The following CTNND2 variants were observed in gnomAD, a reference collection of about 807,000 sequenced individuals.
CTNND2 encodes catenin delta 2, also known as catenin delta-2.
Under a neutral mutation model 144.4 loss-of-function variants are expected in CTNND2, and 22 were observed. The ratio of observed to expected loss-of-function variants is 0.15; its 90% CI spans 0.11 to 0.22. The LOEUF is 0.22. Ranked by LOEUF, CTNND2 falls within the 10% of genes least tolerant of loss-of-function variation. The pLI, the probability that CTNND2 is intolerant of heterozygous loss-of-function variation, is 1.00. For synonymous variants in CTNND2, 751 were observed against 695.6 expected (o/e 1.08, Z -1.25); for missense variants, 1,353 against 1,618.8 (o/e 0.84, Z 2.82).
chr5:11,711,467 C>G (rs1786031119), intron 2 of CTNND2, among the ~76,000 whole-genome samples: 1 of 152,104 alleles, frequency 6.6e-6, no homozygotes, highest in Non-Finnish European at 1.5e-5. Context: ...AATGTACATT[C>G]AGGTTTCACT....
At chr5:11,055,142 C>T (rs987909143) in intron 16 of CTNND2, among the ~76,000 whole-genome samples, 1 of 152,076 alleles carries the variant, frequency 6.6e-6, no homozygotes, top group Non-Finnish European at 1.5e-5. Context: ...GAGTTAAGGA[C>T]GTAGGTACTG....
chr5:11,238,867 T>A (rs899402654), intron 9 of CTNND2, among the ~76,000 whole-genome samples: 3 of 152,216 alleles, frequency 2.0e-5, no homozygotes, highest in Admixed American at 2.0e-4. Flanking sequence ...GGCTATGTGA[T>A]CACAGTAGAA....
intron 2 of CTNND2, among the ~76,000 whole-genome samples, chr5:11,667,491 T>C (rs1783635644): frequency 6.6e-6 from 1 of 152,214 alleles, no homozygotes; most frequent in African/African-American, 2.4e-5. Flanking sequence ...TCATTGTGGT[T>C]TTGATTGCAT....
intron 12 of CTNND2, among the ~76,000 whole-genome samples, chr5:11,140,958 T>A (rs1756667923): frequency 6.6e-6 from 1 of 152,178 alleles, no homozygotes; most frequent in Non-Finnish European, 1.5e-5. Flanking sequence ...TTTTTATTTT[T>A]ATTTTTATTT....
chr5:11,779,894 C>T (rs1363957755), intron 1 of CTNND2, among the ~76,000 whole-genome samples: 1 of 152,188 alleles, frequency 6.6e-6, no homozygotes, highest in African/African-American at 2.4e-5. Flanking sequence ...ATTCCATCTT[C>T]CCCTCTCTAG....
At chr5:11,696,423 T>G (rs1421642170) in intron 2 of CTNND2, among the ~76,000 whole-genome samples, 2 of 152,228 alleles carry the variant, frequency 1.3e-5, no homozygotes, top group East Asian at 1.9e-4. Flanking sequence ...CAAGCCCCAC[T>G]GCAGATTCAG....
At chr5:11,212,833 G>A (rs1026181821) in intron 10 of CTNND2, among the ~76,000 whole-genome samples, 1 of 152,138 alleles carries the variant, frequency 6.6e-6, no homozygotes, top group African/African-American at 2.4e-5. Context: ...GACAGGGAGC[G>A]TGGGGGATGC....
At chr5:11,858,804 C>T (rs1170372204) in intron 1 of CTNND2, among the ~76,000 whole-genome samples, 2 of 152,134 alleles carry the variant, frequency 1.3e-5, no homozygotes, top group Non-Finnish European at 2.9e-5. Flanking sequence ...TGGCGGGTGC[C>T]TGTAGCCCCA....
At chr5:11,728,887 A>C (rs2126734856) in intron 2 of CTNND2, among the ~76,000 whole-genome samples, 1 of 152,312 alleles carries the variant, frequency 6.6e-6, no homozygotes, top group Admixed American at 6.5e-5. Flanking sequence ...AATTCAGATA[A>C]AAATTTTAAG....
chr5:11,826,199 C>T (rs981750244), intron 1 of CTNND2, among the ~76,000 whole-genome samples: 1 of 151,868 alleles, frequency 6.6e-6, no homozygotes, highest in African/African-American at 2.4e-5. Flanking sequence ...AATCATAGTT[C>T]AGATTCTGAG....
intron 9 of CTNND2, among the ~76,000 whole-genome samples, chr5:11,251,508 T>C (rs1001494868): frequency 2.6e-5 from 4 of 152,222 alleles, no homozygotes; most frequent in African/African-American, 4.8e-5. Flanking sequence ...ACTGAACTAA[T>C]GGGAGCTCAT....
intron 12 of CTNND2, among the ~76,000 whole-genome samples, chr5:11,151,078 C>T (rs1757720049): frequency 6.6e-6 from 1 of 152,212 alleles, no homozygotes; most frequent in Non-Finnish European, 1.5e-5. Flanking sequence ...GTGAGCTGTA[C>T]TAACTCACGG....
intron 3 of CTNND2, among the ~76,000 whole-genome samples, chr5:11,434,040 A>C (rs1397449118): frequency 1.3e-5 from 2 of 152,230 alleles, no homozygotes; most frequent in African/African-American, 4.8e-5. Context: ...TAGTAGTTTT[A>C]TTCATAATTG....
At position 11,528,016 on chromosome 5, in the gene CTNND2, G is replaced by C. The variant is rs1230519317; in HGVS notation, c.287+36928C>G. On this transcript the variant is annotated intron_variant, in intron 3 of 21. Transcript: ENST00000304623. ...TCATAATAACATAACAATATTAATA[G>C]AGTCAATTTAAAAAACCCATGCAGT... is the stretch of plus-strand genomic sequence containing the variant. 7.2e-5 allele frequency among the ~76,000 whole-genome samples: 11 copies of C among 152,088 alleles called. No individual in the cohort carries two copies. In the East Asian group the frequency reaches 2.1e-3, roughly 29 times the overall value.
At chr5:11,095,602 A>C (rs990414885) in intron 15 of CTNND2, among the ~76,000 whole-genome samples, 25 of 152,338 alleles carry the variant, frequency 1.6e-4, no homozygotes, top group Middle Eastern at 3.4e-3. Flanking sequence ...AGAAAGATAA[A>C]TGGGGCTTGG....
At chr5:11,268,989 T>C (rs1413540481) in intron 9 of CTNND2, among the ~76,000 whole-genome samples, 1 of 152,228 alleles carries the variant, frequency 6.6e-6, no homozygotes, top group Non-Finnish European at 1.5e-5. Flanking sequence ...CATGCATAAA[T>C]GCTCACTCTG....
intron 3 of CTNND2, among the ~76,000 whole-genome samples, chr5:11,441,696 G>A (rs1017236213): frequency 8.0e-5 from 11 of 136,744 alleles, no homozygotes; most frequent in African/African-American, 2.8e-4. Context: ...CACTTGGCCC[G>A]GTCTATCCAA....
At chr5:11,664,039 T>C (rs1783421346) in intron 2 of CTNND2, among the ~76,000 whole-genome samples, 1 of 152,290 alleles carries the variant, frequency 6.6e-6, no homozygotes, top group African/African-American at 2.4e-5. Flanking sequence ...ATTTCAAAGC[T>C]ACAGGGAACT....
chr5:10,992,594 C>A lies in CTNND2; in HGVS notation c.3168G>T (p.Thr1056=), dbSNP rs367874263. The A allele has an allele frequency of 3.1e-6, 5 of 1,613,946 alleles. No homozygotes were observed. In the South Asian group the frequency reaches 3.3e-5, roughly 11 times the overall value. Residue 1056 remains threonine (T), a synonymous_variant, in exon 19 of 22, where the codon ACG becomes ACT. Coordinates refer to ENST00000304623, the MANE Select transcript of CTNND2 (RefSeq NM_001332.4). ...ACACGCGCACAGGGGAGATGGAGGG[C>A]GTGCGGGAGGAGGAGTAGGGCCTTT... ...DRQRPYSSSR[T]PSISPVRVSP...
Sources: gnomAD v4.1 joint callset for allele counts (sites outside exome capture counted in the v4.1 genomes callset) on GRCh38, gnomAD v4.1.1 for gene constraint, MANE v1.5 for transcripts, NCBI Gene and HGNC (gene_info 2026-07-23, HGNC 2026-07-21) for gene names.